Variants in ORC3 observed in about 807,000 individuals in gnomAD.
The protein encoded by ORC3 is origin recognition complex subunit 3, also known as homolog of latheo, Drosophila.
Under a neutral mutation model 100.7 loss-of-function variants are expected in ORC3, and 78 were observed. That is an observed-to-expected ratio of 0.77 (90% CI 0.65 to 0.94). ORC3 has a LOEUF of 0.94. Among genes scored for constraint, ORC3 ranks in the 40% least tolerant of loss-of-function variants. ORC3 has a pLI of 0.00. For missense variants in ORC3, 789 were observed against 823.9 expected, an observed-to-expected ratio of 0.96 and a Z score of 0.52; for synonymous variants, 295 against 289.3, an observed-to-expected ratio of 1.02 and a Z score of -0.20.
chr6:87,609,265 C>G, intron 7 of ORC3, 36 bp downstream of exon 7: 4 of 1,463,908 alleles, frequency 2.7e-6, no homozygotes, highest in Non-Finnish European at 3.7e-6. Context: ...ATGAAAAACT[C>G]CCTTTTTAAG....
intron 2 of ORC3, among the ~76,000 whole-genome samples, chr6:87,601,192 C>T (rs1443503060): frequency 1.3e-5 from 2 of 151,782 alleles, no homozygotes; most frequent in Non-Finnish European, 2.9e-5. Context: ...ATGTATATAA[C>T]TCAAAAAAGC....
At chr6:87,594,950 G>A (rs1777324718) in intron 2 of ORC3, among the ~76,000 whole-genome samples, 1 of 152,052 alleles carries the variant, frequency 6.6e-6, no homozygotes, top group African/African-American at 2.4e-5. Flanking sequence ...AATATTCATG[G>A]GGAGACTTAA....
At chr6:87,671,878 A>T (rs1316694729), downstream of ORC3, among the ~76,000 whole-genome samples, 1 of 151,952 alleles carries the variant, frequency 6.6e-6, no homozygotes, top group Non-Finnish European at 1.5e-5. Context: ...GTTGTGATGC[A>T]ATATGGAGAC....
At chr6:87,670,052 CCTTA>C (rs545324377), downstream of ORC3, among the ~76,000 whole-genome samples, 11 of 152,304 alleles carry the variant, frequency 7.2e-5, no homozygotes, top group African/African-American at 2.6e-4. Context: ...AGTAGCCATG[CCTTA>C]CTTTTCCTCT....
At chr6:87,661,861 T>C (rs1770203107) in intron 16 of ORC3, among the ~76,000 whole-genome samples, 1 of 152,188 alleles carries the variant, frequency 6.6e-6, no homozygotes, top group Admixed American at 6.5e-5. Context: ...CCCTCCAATT[T>C]GCCACCCTCC....
chr6:87,643,305 A>G (rs1046907564), intron 13 of ORC3, among the ~76,000 whole-genome samples: 6 of 151,554 alleles, frequency 4.0e-5, no homozygotes, highest in African/African-American at 1.5e-4. Context: ...GAACGCTGGT[A>G]TGGTGTTTCA....
chr6:87,643,595 A>G (rs143930257), intron 13 of ORC3, among the ~76,000 whole-genome samples: 64 of 152,328 alleles, frequency 4.2e-4, no homozygotes, highest in African/African-American at 1.5e-3. Flanking sequence ...AAACAGAAAA[A>G]AAGATCTGAA....
At position 87,651,178 on chromosome 6, in the gene ORC3, GT is replaced by G. The variant is rs1285164298; in HGVS notation, c.1383-1935del. ...TTTGGTCTCCTGGATAATAGGCTAG[GT>G]TTGGCCTTCCTTGATATTCAGTTAT... On this transcript the variant is annotated intron_variant, in intron 13 of 19. Transcript: ENST00000392844. The G allele has an allele frequency of 1.5e-5, 7 of 456,110 alleles. No individual in the cohort carries two copies. The East Asian group carries it at 4.9e-4, about 32-fold the overall frequency. The allele number at this position is 456,110 out of a possible 1,614,324, so 28.3% of individuals were successfully genotyped here.
At position 87,657,948 on chromosome 6, in the gene ORC3, A is replaced by G; in HGVS notation, c.1621A>G (p.Arg541Gly). Residue 541 changes from arginine (R) to glycine (G), a missense_variant, in exon 16 of 20, where the codon AGA becomes GGA. Physicochemically the swap from Arg to Gly is moderately radical, Grantham distance 125. Around this residue, in one of 3 missense-constraint regions of ORC3, gnomAD observed 366 missense variants for 394.2 expected, o/e 0.93. Coordinates refer to ENST00000392844, the MANE Select transcript of ORC3 (RefSeq NM_012381.4). ...CTTATTGGAAATGAAGGAGTTAAGA[A>G]GAAGTAAGAAGCAAACCAAATTTGA... The part of the protein sequence containing the change: ...KSLLEMKELR[R>G]SKKQTKFEVL... 1 of 1,588,214 alleles carries G rather than the reference A, an allele frequency of 6.3e-7. No homozygotes were observed. Among genetic ancestry groups the G allele is most frequent in the Admixed American group, 1.7e-5 (1 of 59,978 alleles).
intron 11 of ORC3, among the ~76,000 whole-genome samples, chr6:87,631,649 C>T (rs1380964605): frequency 6.6e-6 from 1 of 151,918 alleles, no homozygotes; most frequent in Non-Finnish European, 1.5e-5. Flanking sequence ...CCTGCCACCA[C>T]ACCCAGCTAA....
At chr6:87,667,869 C>T (rs1770748433), downstream of ORC3, among the ~76,000 whole-genome samples, 2 of 151,970 alleles carry the variant, frequency 1.3e-5, no homozygotes, top group African/African-American at 4.8e-5. Context: ...GCGGAGGTTG[C>T]AGTGAACTGA....
At chr6:87,602,475 T>A (rs1160677926) in intron 3 of ORC3, among the ~76,000 whole-genome samples, 1 of 152,092 alleles carries the variant, frequency 6.6e-6, no homozygotes, top group Non-Finnish European at 1.5e-5. Context: ...AACTTTTTTT[T>A]TTTTTTTGGC....
At chr6:87,607,575 A>T (rs377544601) in intron 5 of ORC3, 98 bp from the exon 6 acceptor site, 2 of 738 alleles carry the variant, frequency 2.7e-3, no homozygotes, top group Non-Finnish European at 4.2e-3. Context: ...ACATTCTACC[A>T]AAAAAAAAAG....
chr6:87,672,538 A>C, the ORC3 span, among the ~76,000 whole-genome samples: 1 of 152,168 alleles, frequency 6.6e-6, no homozygotes, highest in Non-Finnish European at 1.5e-5. Context: ...GCTTTTGTAG[A>C]ATATTCATTT....
chr6:87,597,554 A>G (rs181294615), intron 2 of ORC3, among the ~76,000 whole-genome samples: 219 of 152,264 alleles, frequency 1.4e-3, no homozygotes, highest in Non-Finnish European at 2.5e-3. Flanking sequence ...TATGATATGG[A>G]ATTAAGCATA....
intron 16 of ORC3, among the ~76,000 whole-genome samples, chr6:87,658,964 C>T (rs563753587): frequency 1.7e-5 from 2 of 116,934 alleles, no homozygotes; most frequent in East Asian, 2.5e-4. Context: ...GTTGGGCATG[C>T]TACAGAAAAA....
chr6:87,600,634 T>C (rs573673405), intron 2 of ORC3, among the ~76,000 whole-genome samples: 1 of 152,206 alleles, frequency 6.6e-6, no homozygotes, highest in Non-Finnish European at 1.5e-5. Context: ...TTGGATTCAG[T>C]AGAACAAAAT....
chr6:87,618,045 T>A (rs1051373271), intron 9 of ORC3, among the ~76,000 whole-genome samples: 12 of 152,228 alleles, frequency 7.9e-5, no homozygotes, highest in Non-Finnish European at 1.5e-4. Flanking sequence ...TTTCATTCAT[T>A]TACTCATAAA....
At chr6:87,600,479 AATTTGAAGAAGTGG>A (rs1356562153) in intron 2 of ORC3, among the ~76,000 whole-genome samples, 6 of 152,296 alleles carry the variant, frequency 3.9e-5, no homozygotes, top group Admixed American at 3.9e-4. Flanking sequence ...CTGTAAAATT[AATTTGAAGAAGTGG>A]CTTAAATTTT....
Sources: gnomAD v4.1 joint callset for allele counts (sites outside exome capture counted in the v4.1 genomes callset) on GRCh38, gnomAD v4.1.1 for gene constraint, gnomAD v4.1.1 regional missense constraint, MANE v1.5 for transcripts, NCBI Gene and HGNC (gene_info 2026-07-23, HGNC 2026-07-21) for gene names.